Variants in PTGER3 observed in about 807,000 individuals in gnomAD.
The protein encoded by PTGER3 is prostaglandin E receptor 3.
In PTGER3, 22 loss-of-function variants were observed where a neutral mutation model predicts 34.7. The ratio of observed to expected loss-of-function variants is 0.63; its 90% confidence interval spans 0.45 to 0.91. PTGER3 has a LOEUF of 0.91. Ranked by LOEUF, PTGER3 falls within the 40% of genes least tolerant of loss-of-function variation. The pLI, the probability that PTGER3 is intolerant of heterozygous loss-of-function variation, is 0.00. For synonymous variants in PTGER3, 241 were observed against 230.1 expected, an observed-to-expected ratio of 1.05 and a Z score of -0.43; for missense variants, 468 against 519.4, an observed-to-expected ratio of 0.90 and a Z score of 0.96.
intron 2 of PTGER3, chr1:71,011,796 C>A: frequency 1.0e-6 from 1 of 990,162 alleles, no homozygotes; most frequent in Non-Finnish European, 1.2e-6. Context: ...GCGAGAGAGG[C>A]AATGAAAGAG....
chr1:70,977,613 A>G (rs1653834168), intron 2 of PTGER3, among the ~76,000 whole-genome samples: 1 of 151,876 alleles, frequency 6.6e-6, no homozygotes, highest in Admixed American at 6.6e-5. Context: ...AAAAGAGAAA[A>G]CCATCCTAGA....
chr1:70,938,464 C>T (rs1649446758), intron 4 of PTGER3, among the ~76,000 whole-genome samples: 1 of 152,032 alleles, frequency 6.6e-6, no homozygotes, highest in Admixed American at 6.6e-5. Flanking sequence ...AAACATTTTC[C>T]ATTTTCATTT....
intron 4 of PTGER3, among the ~76,000 whole-genome samples, chr1:70,935,601 T>G (rs1252028687): frequency 6.6e-6 from 1 of 150,986 alleles, no homozygotes; most frequent in Non-Finnish European, 1.5e-5. Context: ...AACAAATATT[T>G]TACAAATAAT....
exon 5 of PTGER3, chr1:70,852,579 G>T: frequency 2.0e-6 from 1 of 512,164 alleles, no homozygotes; most frequent in Non-Finnish European, 3.4e-6. Flanking sequence ...TTTTACATAT[G>T]ATAATGTATA....
chr1:70,992,726 A>G (rs1439004855), intron 2 of PTGER3, among the ~76,000 whole-genome samples: 1 of 152,184 alleles, frequency 6.6e-6, no homozygotes, highest in Admixed American at 6.5e-5. Context: ...TCATCATTTT[A>G]CTTGATTTCC....
intron 4 of PTGER3, among the ~76,000 whole-genome samples, chr1:70,944,039 CAATT>C (rs1649999129): frequency 6.6e-6 from 1 of 151,980 alleles, no homozygotes; most frequent in Non-Finnish European, 1.5e-5. Flanking sequence ...TTACTTAAAT[CAATT>C]AGATAGTATA....
In PTGER3 at chr1:70,862,718, C is replaced by T. The variant is rs149454398; in HGVS notation, c.*24-9859G>A. 1.5e-3 allele frequency among the ~76,000 whole-genome samples: 230 copies of T among 151,834 alleles called. 2 individuals are homozygous for T. The highest frequency in any genetic ancestry group is 4.5e-3 in the African/African-American group (185 of 41,390). On this transcript the variant is annotated intron_variant, in intron 4 of 4. Transcript: ENST00000370931. Reference sequence around the variant, plus strand: ...TGATCAGAGGGTAGAAGATGAATGGCGGAAGAGAAGACAAGGAGGAGGAAA... The same window carrying T: ...TGATCAGAGGGTAGAAGATGAATGGTGGAAGAGAAGACAAGGAGGAGGAAA...
Position 70,971,170 on chromosome 1 carries a change from A to G in PTGER3, c.*560T>C. ...TTAGTTCCATGCTAAGCCCACAGGG[A>G]CACAACATCTCTAAAACATTAATCA... On this transcript the variant is annotated 3_prime_UTR_variant, in exon 4 of 4. Transcript: ENST00000306666. The G allele has an allele frequency of 2.0e-6, 2 of 985,452 alleles. No homozygotes were observed. Among genetic ancestry groups the G allele is most frequent in the Non-Finnish European group, 2.4e-6 (2 of 829,944 alleles). 61.0% of individuals were successfully genotyped at this position (985,452 alleles called of 1,614,324 possible).
rs1645858466 is a variant in PTGER3, at chr1:70,858,444, AT to A, written c.*24-5586del. Reference sequence around the variant, plus strand: ...TCGTTTCTGTTGGTATAGTTTTCCTATTATTAATAAAGACATTTGATTCTGA... The same window carrying A: ...TCGTTTCTGTTGGTATAGTTTTCCTATATTAATAAAGACATTTGATTCTGA... On this transcript the variant is annotated intron_variant, in intron 4 of 4. Transcript: ENST00000370931. Among the ~76,000 whole-genome samples, 12 of 152,232 alleles carry A rather than the reference AT, an allele frequency of 7.9e-5. No individual in the cohort carries two copies. The South Asian group carries it at 2.5e-3, about 32-fold the overall frequency.
intron 4 of PTGER3, among the ~76,000 whole-genome samples, chr1:70,858,750 C>T (rs1388413401): frequency 6.6e-6 from 1 of 152,116 alleles, no homozygotes; most frequent in Non-Finnish European, 1.5e-5. Flanking sequence ...TCTCTGAGTA[C>T]CTGAGTAAGC....
At chr1:70,937,430 C>A (rs1649329208) in intron 4 of PTGER3, among the ~76,000 whole-genome samples, 1 of 152,018 alleles carries the variant, frequency 6.6e-6, no homozygotes, top group Non-Finnish European at 1.5e-5. Context: ...GGTGGGAGGT[C>A]TGAACAGGAC....
intron 4 of PTGER3, among the ~76,000 whole-genome samples, chr1:70,926,354 A>T (rs1050379484): frequency 1.3e-5 from 2 of 152,070 alleles, no homozygotes; most frequent in African/African-American, 2.4e-5. Flanking sequence ...CTTTTATTTC[A>T]TTGAGCAGTG....
At chr1:71,030,666 T>C (rs1659330946) in intron 1 of PTGER3, among the ~76,000 whole-genome samples, 1 of 152,174 alleles carries the variant, frequency 6.6e-6, no homozygotes, top group Admixed American at 6.6e-5. Context: ...TGGAATCATT[T>C]AACAAGTTAC....
chr1:70,896,839 G>C (rs554024544), intron 4 of PTGER3, among the ~76,000 whole-genome samples: 1 of 152,274 alleles, frequency 6.6e-6, no homozygotes, highest in South Asian at 2.1e-4. Flanking sequence ...TGACATAGCA[G>C]AGTACAAACA....
intron 1 of PTGER3, among the ~76,000 whole-genome samples, chr1:71,029,080 T>G (rs1239759594): frequency 6.6e-6 from 1 of 152,206 alleles, no homozygotes; most frequent in African/African-American, 2.4e-5. Context: ...TCACCTACAT[T>G]TCAAGATTTA....
At chr1:70,907,675 C>T (rs1215365449) in intron 4 of PTGER3, among the ~76,000 whole-genome samples, 3 of 152,180 alleles carry the variant, frequency 2.0e-5, no homozygotes, top group African/African-American at 7.2e-5. Flanking sequence ...GGGGGAGCAA[C>T]TAAATTACAC....
intron 4 of PTGER3, among the ~76,000 whole-genome samples, chr1:70,860,532 T>C (rs560948412): frequency 6.6e-6 from 1 of 152,192 alleles, no homozygotes; most frequent in East Asian, 1.9e-4. Flanking sequence ...CTTACATTTA[T>C]CTCAAGGTTT....
chr1:70,973,336 G>A (rs1032187829), intron 3 of PTGER3, among the ~76,000 whole-genome samples: 1 of 152,076 alleles, frequency 6.6e-6, no homozygotes, highest in Admixed American at 6.6e-5. Context: ...AGTAAAAATT[G>A]TATTGGCCTC....
At chr1:70,956,553 C>A (rs1651354595) in intron 2 of PTGER3, among the ~76,000 whole-genome samples, 3 of 151,978 alleles carry the variant, frequency 2.0e-5, no homozygotes, top group Non-Finnish European at 4.4e-5. Flanking sequence ...ATAAGACTAA[C>A]AATACAAGCA....
Sources: gnomAD v4.1 joint callset for allele counts (sites outside exome capture counted in the v4.1 genomes callset) on GRCh38, gnomAD v4.1.1 for gene constraint, MANE v1.5 for transcripts, NCBI Gene and HGNC (gene_info 2026-07-23, HGNC 2026-07-21) for gene names.